Variants in TTC27 observed in about 807,000 individuals in gnomAD.
The protein encoded by TTC27 is tetratricopeptide repeat protein 27.
In TTC27, 79 loss-of-function variants were observed where a neutral mutation model predicts 115.9. The observed-to-expected ratio is 0.68, with a 90% confidence interval of 0.57 to 0.82. The LOEUF (loss-of-function observed/expected upper bound fraction) is 0.82, where lower values mean the gene tolerates loss of function less well. Ranked by LOEUF, TTC27 falls within the 40% of genes least tolerant of loss-of-function variation. TTC27 has a pLI of 0.00. For missense variants in TTC27, 1,054 were observed against 993.1 expected (o/e 1.06, Z -0.82); for synonymous variants, 401 against 356.0 (o/e 1.13, Z -1.42).
Position 32,811,138 on chromosome 2 carries a change from G to C in TTC27, c.2113G>C (p.Val705Leu). 1 of 1,614,184 alleles carries C rather than the reference G, an allele frequency of 6.2e-7. No individual in the cohort carries two copies. The highest frequency in any genetic ancestry group is 1.7e-5 in the Admixed American group (1 of 60,018). The change falls in exon 17 of 20, where the codon GTG (valine) becomes CTG (leucine). Residue 705 changes from valine to leucine, a missense_variant. Physicochemically the swap from Val to Leu is conservative, Grantham distance 32. Transcript: ENST00000317907. ...QELFGRVTSR[V>L]TNDGEIWRLY... ...GTTATTTGGCAGAGTGACTTCAAGA[G>C]TGACAAATGATGGAGAAATCTGGAG...
chr2:32,808,125 G>T (rs1178918742), intron 16 of TTC27, among the ~76,000 whole-genome samples: 1 of 151,964 alleles, frequency 6.6e-6, no homozygotes, highest in Non-Finnish European at 1.5e-5. Flanking sequence ...AGTAGAGACA[G>T]GGTTTCACCA....
At chr2:32,755,481 G>A (rs1027888182) in intron 12 of TTC27, among the ~76,000 whole-genome samples, 1 of 152,214 alleles carries the variant, frequency 6.6e-6, no homozygotes, top group African/African-American at 2.4e-5. Context: ...CACTCGGCAG[G>A]CTGAGGCAGG....
chr2:32,636,733 T>C (rs1664443115), intron 3 of TTC27, among the ~76,000 whole-genome samples: 1 of 152,182 alleles, frequency 6.6e-6, no homozygotes, highest in African/African-American at 2.4e-5. Context: ...ATGAGTTTCA[T>C]GAGAAGTTCA....
At position 32,777,936 on chromosome 2, in the gene TTC27, G is replaced by T. The variant is rs770426864; in HGVS notation, c.1735G>T (p.Gly579Cys). 1.2e-6 allele frequency: 2 copies of T among 1,614,032 alleles called. No homozygotes were observed. The highest frequency in any genetic ancestry group is 1.7e-6 in the Non-Finnish European group (2 of 1,179,986). Reference protein sequence around the residue: ...CAYLALEDYQGSAKAFQRCVT... With the variant: ...CAYLALEDYQCSAKAFQRCVT... ...CTATTTGGCCTTGGAAGACTATCAA[G>T]GTTCAGCAAAGGCATTTCAGCGCTG... Residue 579 changes from glycine (G) to cysteine (C), a missense_variant, in exon 14 of 20, where the codon GGT becomes TGT. Gly to Cys is a radical substitution (Grantham distance 159). Transcript: ENST00000317907.
At chr2:32,731,894 T>A (rs1668303459) in intron 10 of TTC27, among the ~76,000 whole-genome samples, 1 of 152,188 alleles carries the variant, frequency 6.6e-6, no homozygotes, top group Non-Finnish European at 1.5e-5. Flanking sequence ...GAGGAAATAT[T>A]TACTGAGTAC....
At chr2:32,782,874 A>C (rs575142325) in intron 15 of TTC27, among the ~76,000 whole-genome samples, 196 bp downstream of exon 15, 4 of 152,314 alleles carry the variant, frequency 2.6e-5, no homozygotes, top group Non-Finnish European at 5.9e-5. Flanking sequence ...TATTTCTTAA[A>C]AACATTTCAT....
chr2:32,748,025 T>C (rs1007301085), intron 12 of TTC27, among the ~76,000 whole-genome samples: 9 of 152,156 alleles, frequency 5.9e-5, no homozygotes, highest in African/African-American at 2.2e-4. Context: ...CTGTTCTTTT[T>C]CTAGTTACTT....
chr2:32,679,640 TCTTC>T (rs1302745488), intron 9 of TTC27, among the ~76,000 whole-genome samples: 1 of 152,242 alleles, frequency 6.6e-6, no homozygotes, highest in Non-Finnish European at 1.5e-5. Flanking sequence ...TCTGTTGTTT[TCTTC>T]CTTTGTTATT....
chr2:32,798,100 A>T (rs1670771045), intron 16 of TTC27, among the ~76,000 whole-genome samples: 1 of 85,428 alleles, frequency 1.2e-5, no homozygotes, highest in African/African-American at 6.8e-5. Context: ...TAGAAAAAAA[A>T]TTAAAAAAAA....
intron 11 of TTC27, among the ~76,000 whole-genome samples, chr2:32,735,936 T>C (rs1052804068): frequency 1.3e-5 from 2 of 152,132 alleles, no homozygotes; most frequent in Non-Finnish European, 2.9e-5. Flanking sequence ...CCTAGATTTT[T>C]CTGGACTTAA....
intron 18 of TTC27, among the ~76,000 whole-genome samples, chr2:32,815,358 T>C (rs1281332791): frequency 6.8e-6 from 1 of 146,612 alleles, no homozygotes; most frequent in African/African-American, 2.5e-5. Flanking sequence ...TGCCTCAGCC[T>C]CCCAAGCCAG....
rs185416728 is a variant in TTC27, at chr2:32,788,142, G to T, written c.1998+993G>T. ...TTACTAGGAAAGATTTCTGAAACCT[G>T]TTCCTAAAATCTCAAGGAGAATGTA... On this transcript the variant is annotated intron_variant, in intron 16 of 19. Coordinates refer to ENST00000317907, the MANE Select transcript of TTC27 (RefSeq NM_017735.5). Among the ~76,000 whole-genome samples, 6 of 152,242 alleles carry T rather than the reference G, an allele frequency of 3.9e-5. No individual in the cohort carries two copies. The East Asian group carries it at 1.2e-3, about 29-fold the overall frequency.
chr2:32,737,257 G>A (rs1668479052), intron 12 of TTC27, among the ~76,000 whole-genome samples: 1 of 152,142 alleles, frequency 6.6e-6, no homozygotes, highest in Admixed American at 6.5e-5. Context: ...AGTGTGTAAT[G>A]CACATTTAAT....
intron 9 of TTC27, among the ~76,000 whole-genome samples, chr2:32,687,154 A>AT (rs1199126447): frequency 6.6e-6 from 1 of 152,128 alleles, no homozygotes; most frequent in Non-Finnish European, 1.5e-5. Flanking sequence ...ATTTCTTGGT[A>AT]TTTTCTAACA....
intron 10 of TTC27, among the ~76,000 whole-genome samples, chr2:32,725,059 C>T (rs374624351): frequency 1.2e-4 from 19 of 152,272 alleles, no homozygotes; most frequent in African/African-American, 2.6e-4. Context: ...GAGAACAGCA[C>T]GGGAAAGAGT....
intron 3 of TTC27, among the ~76,000 whole-genome samples, chr2:32,635,691 G>GA (rs1419738668): frequency 1.3e-5 from 2 of 151,430 alleles, no homozygotes; most frequent in African/African-American, 2.4e-5. Flanking sequence ...TTCAAAAAAA[G>GA]AAAAAAGAAA....
intron 1 of TTC27, among the ~76,000 whole-genome samples, chr2:32,629,055 C>T (rs1048139104): frequency 4.0e-5 from 6 of 151,744 alleles, no homozygotes; most frequent in African/African-American, 9.7e-5. Flanking sequence ...CCACCGCGCC[C>T]GGGTCTGGTT....
intron 10 of TTC27, among the ~76,000 whole-genome samples, chr2:32,716,209 A>G (rs1553555671): frequency 6.6e-6 from 1 of 152,172 alleles, no homozygotes; most frequent in Non-Finnish European, 1.5e-5. Context: ...TCAGCTCTGC[A>G]TGCCAGTACT....
chr2:32,736,704 C>T lies in TTC27; in HGVS notation c.1340C>T (p.Ala447Val). ...ACTTGATTTTTCTAGCGCCAACTTG[C>T]AAGTTTGCTCTTTGAGTTGGGATGT... ...PPHWAIQRQL[A>V]SLLFELGCTS... Residue 447 changes from alanine (A) to valine (V), a missense_variant, in exon 12 of 20, where the codon GCA becomes GTA. Physicochemically the swap from Ala to Val is moderately conservative, Grantham distance 64. Transcript: ENST00000317907. 1 of 1,613,646 alleles carries T rather than the reference C, an allele frequency of 6.2e-7. No individual in the cohort carries two copies. The highest frequency in any genetic ancestry group is 1.1e-5 in the South Asian group (1 of 91,026).
Sources: gnomAD v4.1 joint callset for allele counts (sites outside exome capture counted in the v4.1 genomes callset) on GRCh38, gnomAD v4.1.1 for gene constraint, MANE v1.5 for transcripts, NCBI Gene and HGNC (gene_info 2026-07-23, HGNC 2026-07-21) for gene names.